MAP3K4: variants seen among roughly 807,000 people sequenced by gnomAD.
MAP3K4 encodes mitogen-activated protein kinase kinase kinase 4.
In MAP3K4, 67 loss-of-function variants were observed where a neutral mutation model predicts 185.6. The observed-to-expected ratio is 0.36, with a 90% CI of 0.30 to 0.44. MAP3K4 has a LOEUF of 0.44. Among genes scored for constraint, MAP3K4 ranks in the 20% least tolerant of loss-of-function variants. The probability of loss-of-function intolerance (pLI) is 1.00; values close to 1 mark genes in which losing one functional copy is unlikely to be tolerated. For synonymous variants in MAP3K4, 702 were observed against 710.4 expected (o/e 0.99, Z 0.19); for missense variants, 1,551 against 1,995.1 (o/e 0.78, Z 4.24).
In MAP3K4 at chr6:161,028,198, A is replaced by AT. The variant is rs1172040232; in HGVS notation, c.153-6053dup. On this transcript the variant is annotated intron_variant, in intron 1 of 26. Coordinates refer to ENST00000392142, the MANE Select transcript of MAP3K4 (RefSeq NM_005922.4). ...CCCAAAGTAACAGCTGCCACAGTAT[A>AT]TTTTTTTTGTCTGCATGTTTCATTG... is the stretch of plus-strand genomic sequence containing the variant. Among the ~76,000 whole-genome samples the AT allele has an allele frequency of 7.9e-5, 12 of 151,976 alleles. No individual in the cohort carries two copies. In the East Asian group the frequency reaches 1.2e-3, roughly 15 times the overall value.
rs958858950 is a variant in MAP3K4, at chr6:161,097,293, G to A, written c.3524+117G>A. On this transcript the variant is annotated intron_variant, in intron 16 of 26. Coordinates refer to ENST00000392142, the MANE Select transcript of MAP3K4 (RefSeq NM_005922.4). This position sits in a 1 kb window ranked among gnomAD's most constrained non-coding sequence, Gnocchi z 4.9. ...GCTAAATACCTTTTCTGCATTGTTCGTACGTAAAAGCTCTTACTTGCATTA... is the reference window on the plus strand; with the variant it reads ...GCTAAATACCTTTTCTGCATTGTTCATACGTAAAAGCTCTTACTTGCATTA... 21 of 782,288 alleles carry A rather than the reference G, an allele frequency of 2.7e-5. No homozygotes were observed. Among genetic ancestry groups the A allele is most frequent in the African/African-American group, 5.2e-5 (3 of 58,048 alleles). The allele number at this position is 782,288 out of a possible 1,614,324, so 48.5% of individuals were successfully genotyped here. A position where few individuals can be genotyped will look rare whatever the true frequency, so the allele number is the denominator to read the frequency against.
Position 161,051,051 on chromosome 6 carries a change from T to G in MAP3K4, c.1707+1072T>G, listed in dbSNP as rs557883712. On this transcript the variant is annotated intron_variant, in intron 3 of 26. Transcript: ENST00000392142. The surrounding 1 kb of genome is among the most constrained non-coding windows in gnomAD (Gnocchi z 4.2). ...ATTATGTGTAATGCCTTATGTAATA[T>G]AAATGCTGTGTAAATGGTTGTTAAT... Among the ~76,000 whole-genome samples the G allele has an allele frequency of 8.5e-5, 13 of 152,334 alleles. No homozygotes were observed. The East Asian group carries it at 1.7e-3, about 20-fold the overall frequency.
chr6:161,090,297 T>TAG (rs1785964375), intron 11 of MAP3K4, among the ~76,000 whole-genome samples: 2 of 152,152 alleles, frequency 1.3e-5, no homozygotes, highest in Admixed American at 1.3e-4. Flanking sequence ...TAAGGGTGGG[T>TAG]AGAGAGAGAG....
Position 161,108,283 on chromosome 6 carries a change from A to G in MAP3K4, c.4119+314A>G, listed in dbSNP as rs1778191273. On this transcript the variant is annotated intron_variant, in intron 21 of 26. Transcript: ENST00000392142. This position sits in a 1 kb window ranked among gnomAD's most constrained non-coding sequence, Gnocchi z 5.7. ...ATTAACAGTAGTGTCTTATGGGGAC[A>G]CATTGGGGGAGAAGATAACATTTAT... Among the ~76,000 whole-genome samples, 1 of 152,204 alleles carries G rather than the reference A, an allele frequency of 6.6e-6. No homozygotes were observed. The highest frequency in any genetic ancestry group is 1.5e-5 in the Non-Finnish European group (1 of 68,024).
chr6:161,111,265 A>G (rs1778337824), intron 23 of MAP3K4, among the ~76,000 whole-genome samples: 1 of 152,228 alleles, frequency 6.6e-6, no homozygotes, highest in Non-Finnish European at 1.5e-5. Context: ...CTTGCAGCCT[A>G]GAGCAAAAGG....
chr6:161,110,354 GGTTT>G lies in MAP3K4; in HGVS notation c.4396+445_4396+448del, dbSNP rs1364069623. On this transcript the variant is annotated intron_variant, in intron 23 of 26. Coordinates refer to ENST00000392142, the MANE Select transcript of MAP3K4 (RefSeq NM_005922.4). This position sits in a 1 kb window ranked among gnomAD's most constrained non-coding sequence, Gnocchi z 4.8. ...GGCTACGTTTTTGAGACAAGAATGGGGTTTGTTTACACAAACCTTGAAATTGAGT... is the reference window on the plus strand; with the variant it reads ...GGCTACGTTTTTGAGACAAGAATGGGGTTTACACAAACCTTGAAATTGAGT... 6.6e-6 allele frequency among the ~76,000 whole-genome samples: 1 copy of G among 152,086 alleles called. No individual in the cohort carries two copies. The highest frequency in any genetic ancestry group is 2.4e-5 in the African/African-American group (1 of 41,390).
chr6:161,019,705 G>T (rs749170041), intron 1 of MAP3K4, among the ~76,000 whole-genome samples: 2 of 152,138 alleles, frequency 1.3e-5, no homozygotes, highest in African/African-American at 2.4e-5. Flanking sequence ...TGTGGACCAC[G>T]CCCAGCCTTT....
At position 161,108,006 on chromosome 6, in the gene MAP3K4, C is replaced by A; in HGVS notation, c.4119+37C>A. 6.3e-7 allele frequency: 1 copy of A among 1,589,850 alleles called. No homozygotes were observed. The highest frequency in any genetic ancestry group is 8.6e-7 in the Non-Finnish European group (1 of 1,160,842). ...GGCTCCGTGGGGCCTTTGGGCCTGG[C>A]GGCTCTGGGTGATAGAAATTCCGTA... On this transcript the variant is annotated intron_variant, in intron 21 of 26. Transcript: ENST00000392142. This position sits in a 1 kb window ranked among gnomAD's most constrained non-coding sequence, Gnocchi z 5.7.
chr6:161,031,876 G>A (rs1782946865), intron 1 of MAP3K4, among the ~76,000 whole-genome samples: 1 of 152,132 alleles, frequency 6.6e-6, no homozygotes, highest in African/African-American at 2.4e-5. Context: ...TAGCTTCTGA[G>A]TTCACATTCC....
rs776366981 is a variant in MAP3K4 at position 161,048,257 on chromosome 6, A to G, written c.344-359A>G. ...ATTTTCTCATCCAGGTGTCCGTCAG[A>G]TCTCCCATGCTGTTTCTTCCTCCTT... On this transcript the variant is annotated intron_variant, in intron 2 of 26. Coordinates refer to ENST00000392142, the MANE Select transcript of MAP3K4 (RefSeq NM_005922.4). This position sits in a 1 kb window ranked among gnomAD's most constrained non-coding sequence, Gnocchi z 4.7. 5.5e-6 allele frequency: 3 copies of G among 545,604 alleles called. No individual in the cohort carries two copies. Among genetic ancestry groups the G allele is most frequent in the Non-Finnish European group, 1.1e-5 (3 of 268,912 alleles). 33.8% of individuals were successfully genotyped at this position (545,604 alleles called of 1,614,324 possible).
chr6:161,084,767 C>A lies in MAP3K4; in HGVS notation c.2372+150C>A, dbSNP rs1300786475. On this transcript the variant is annotated intron_variant, in intron 7 of 26. Transcript: ENST00000392142. This position sits in a 1 kb window ranked among gnomAD's most constrained non-coding sequence, Gnocchi z 4.6. Reference sequence around the variant, plus strand: ...TGTAAAGGGATTTATTTATAACTGCCTTGTCTTTTCATGTGATTTCTTAGT... The same window carrying A: ...TGTAAAGGGATTTATTTATAACTGCATTGTCTTTTCATGTGATTTCTTAGT... The A allele has an allele frequency of 2.0e-6, 1 of 502,324 alleles. No individual in the cohort carries two copies. The highest frequency in any genetic ancestry group is 3.6e-6 in the Non-Finnish European group (1 of 276,762). 31.1% of individuals were successfully genotyped at this position (502,324 alleles called of 1,614,324 possible). A position where few individuals can be genotyped will look rare whatever the true frequency, so the allele number is the denominator to read the frequency against.
chr6:161,010,473 G>A lies in MAP3K4; in HGVS notation c.152+18390G>A, dbSNP rs1401959203. On this transcript the variant is annotated intron_variant, in intron 1 of 26. Transcript: ENST00000392142. ...AAACATTTCTTGGTTCAAAACTATA[G>A]GTATATGTTTTGTTTCTTTCAAATG... Among the ~76,000 whole-genome samples the A allele has an allele frequency of 2.1e-5, 3 of 142,424 alleles. 1 individual carries two copies. The highest frequency in any genetic ancestry group is 1.5e-5 in the Non-Finnish European group (1 of 65,830). 93.4% of individuals were successfully genotyped at this position (142,424 alleles called of 152,430 possible).
At chr6:161,002,824 C>G (rs995376987) in intron 1 of MAP3K4, among the ~76,000 whole-genome samples, 3 of 152,072 alleles carry the variant, frequency 2.0e-5, no homozygotes, top group Non-Finnish European at 4.4e-5. Context: ...ATCTTCTGAC[C>G]TTGTGATCCA....
intron 1 of MAP3K4, among the ~76,000 whole-genome samples, chr6:161,015,594 G>A (rs1439497442): frequency 6.6e-6 from 1 of 152,144 alleles, no homozygotes; most frequent in Non-Finnish European, 1.5e-5. Flanking sequence ...GTCAACATCT[G>A]CTTCCGGTGA....
Position 161,098,094 on chromosome 6 carries a change from A to G in MAP3K4, c.3525-184A>G. The G allele has an allele frequency of 1.4e-6, 1 of 701,324 alleles. No homozygotes were observed. The highest frequency in any genetic ancestry group is 2.3e-6 in the Non-Finnish European group (1 of 431,428). 43.4% of individuals were successfully genotyped at this position (701,324 alleles called of 1,614,324 possible). ...AGGGTGCGATGCTGTCTCAAAAAAA[A>G]GAAAAGCTTTGAAGTTAGGTTTTTT... On this transcript the variant is annotated intron_variant, in intron 16 of 26. Coordinates refer to ENST00000392142, the MANE Select transcript of MAP3K4 (RefSeq NM_005922.4). The surrounding 1 kb of genome is among the most constrained non-coding windows in gnomAD (Gnocchi z 4.4).
At chr6:161,066,859 G>A (rs1784735152) in intron 3 of MAP3K4, among the ~76,000 whole-genome samples, 1 of 152,206 alleles carries the variant, frequency 6.6e-6, no homozygotes, top group East Asian at 1.9e-4. Context: ...GGCTCATTGA[G>A]CCCGTAAACA....
At position 161,110,641 on chromosome 6, in the gene MAP3K4, G is replaced by A. The variant is rs761858066; in HGVS notation, c.4396+727G>A. ...ACCTAAACACATTAACTTAGGAACC[G>A]ACCTGACTTCTGACCAGGGACAAGA... On this transcript the variant is annotated intron_variant, in intron 23 of 26. Transcript: ENST00000392142. The surrounding 1 kb of genome is among the most constrained non-coding windows in gnomAD (Gnocchi z 4.8). 6.6e-6 allele frequency among the ~76,000 whole-genome samples: 1 copy of A among 152,142 alleles called. No individual in the cohort carries two copies. Among genetic ancestry groups the A allele is most frequent in the Non-Finnish European group, 1.5e-5 (1 of 68,026 alleles).
intron 3 of MAP3K4, among the ~76,000 whole-genome samples, chr6:161,069,168 C>T (rs920408742): frequency 2.0e-5 from 3 of 152,190 alleles, no homozygotes; most frequent in Non-Finnish European, 4.4e-5. Flanking sequence ...AGAGACTACT[C>T]AGTGCTTCCA....
rs1166386559 is a variant in MAP3K4 at position 161,008,986 on chromosome 6, AC to A, written c.152+16905del. ...ATATTCATTTTTTTAAACCATCTGA[AC>A]CTTTTTTTTTTTTTTTGAGACGGAA... On this transcript the variant is annotated intron_variant, in intron 1 of 26. Coordinates refer to ENST00000392142, the MANE Select transcript of MAP3K4 (RefSeq NM_005922.4). The surrounding 1 kb of genome is among the most constrained non-coding windows in gnomAD (Gnocchi z 4.1). Among the ~76,000 whole-genome samples, 1 of 143,548 alleles carries A rather than the reference AC, an allele frequency of 7.0e-6. No individual in the cohort carries two copies. The highest frequency in any genetic ancestry group is 2.6e-5 in the African/African-American group (1 of 37,792). 94.2% of individuals were successfully genotyped at this position (143,548 alleles called of 152,430 possible).
Sources: allele counts gnomAD v4.1 joint callset (sites outside exome capture counted in the v4.1 genomes callset), GRCh38; gene constraint gnomAD v4.1.1; non-coding constraint Gnocchi (gnomAD v3.1); transcripts MANE v1.5; gene names NCBI Gene and HGNC (gene_info 2026-07-23, HGNC 2026-07-21).